Variants in CELSR1 observed in about 807,000 individuals in gnomAD.
CELSR1 encodes adhesion G protein-coupled receptor C1.
A neutral mutation model predicts 249.1 loss-of-function variants in CELSR1; 110 were observed. The ratio of observed to expected loss-of-function variants is 0.44; its 90% CI spans 0.38 to 0.52. The LOEUF (loss-of-function observed/expected upper bound fraction) is 0.52. CELSR1 is among the 20% of genes least tolerant of loss of function. The probability of loss-of-function intolerance (pLI) is 0.00; values close to 1 mark genes in which losing one functional copy is unlikely to be tolerated. For missense variants in CELSR1, 4,109 were observed against 4,296.4 expected, an observed-to-expected ratio of 0.96 and a Z score of 1.22; for synonymous variants, 2,113 against 1,900.0, an observed-to-expected ratio of 1.11 and a Z score of -2.92.
intron 2 of CELSR1, among the ~76,000 whole-genome samples, chr22:46,460,344 T>A (rs1403719462): frequency 6.6e-6 from 1 of 152,180 alleles, no homozygotes; most frequent in Non-Finnish European, 1.5e-5. Context: ...AGGAAACCTA[T>A]GATCCATCTG....
intron 28 of CELSR1, 63 bp from the exon 29 acceptor site, chr22:46,367,181 C>T (rs983574207): frequency 7.0e-6 from 11 of 1,569,834 alleles, no homozygotes; most frequent in African/African-American, 4.0e-5. Flanking sequence ...CCCTTAGGCG[C>T]CCCAGCACAG....
In CELSR1 at chr22:46,433,398, T is replaced by G; in HGVS notation, c.4606A>C (p.Asn1536His). The G allele has an allele frequency of 6.2e-7, 1 of 1,613,310 alleles. No homozygotes were observed. The highest frequency in any genetic ancestry group is 8.5e-7 in the Non-Finnish European group (1 of 1,179,526). Residue 1536 changes from asparagine (N) to histidine (H), a missense_variant, in exon 5 of 35, where the codon AAC (asparagine) becomes CAC (histidine). Physicochemically the swap from Asn to His is moderately conservative, Grantham distance 68. Transcript: ENST00000674500. The surrounding 1 kb of genome is among the most constrained non-coding windows in gnomAD (Gnocchi z 5.7). ...AGTGGTGGGGCCCATCTTACCTTGT[T>G]GTAGTACTGCACCTGCACAGAGTGC... is the stretch of plus-strand genomic sequence containing the variant. ...RWHSVQVQYY[N>H]KPNIGHLGLP... is the part of the protein sequence containing the mutation.
chr22:46,364,887 G>A lies in CELSR1; in HGVS notation c.8555-151C>T, dbSNP rs184513920. ...TAAAGGTGGGGAAACTGAGGCCCAG[G>A]AGGGCGAGTCCTGGCAGCAGGGCCC... On this transcript the variant is annotated intron_variant, in intron 32 of 34. Transcript: ENST00000674500. The A allele has an allele frequency of 2.6e-4, 220 of 831,824 alleles. 1 individual carries two copies. In the African/African-American group the frequency reaches 3.2e-3, roughly 12 times the overall value. 51.5% of individuals were successfully genotyped at this position (831,824 alleles called of 1,614,324 possible).
At position 46,463,963 on chromosome 22, in the gene CELSR1, G is replaced by A. The variant is rs543153082; in HGVS notation, c.3927C>T (p.Arg1309=). ...ACTTCATGTAGTTCTCGCAGGGCTCGCGCAGGCAGATGTTGTCGTCGAAGG... is the reference window on the plus strand; with the variant it reads ...ACTTCATGTAGTTCTCGCAGGGCTCACGCAGGCAGATGTTGTCGTCGAAGG... ...VLPFDDNICL[R]EPCENYMKCV... is the part of the protein sequence containing the mutation. Residue 1309 remains arginine, a synonymous_variant, in exon 2 of 35, where the codon CGC becomes CGT. Transcript: ENST00000674500. The A allele has an allele frequency of 2.4e-5, 39 of 1,613,882 alleles. No individual in the cohort carries two copies. The highest frequency in any genetic ancestry group is 2.4e-5 in the Non-Finnish European group (28 of 1,180,044).
rs761296372 is a variant in CELSR1, at chr22:46,380,955, C to G, written c.7089G>C (p.Arg2363=). The G allele has an allele frequency of 1.9e-6, 3 of 1,611,424 alleles. No individual in the cohort carries two copies. The East Asian group carries it at 6.7e-5, about 36-fold the overall frequency. ...ERYDPDRRSL[R]LPHRPIINTP... ...TATTAATGATGGGCCGGTGAGGCAACCTGAGGTCAAGAAGCCAGAGCATGG... is the reference window on the plus strand; with the variant it reads ...TATTAATGATGGGCCGGTGAGGCAAGCTGAGGTCAAGAAGCCAGAGCATGG... The change falls in exon 22 of 35, where the codon CGG becomes CGC. Residue 2363 remains arginine (R), a splice_region_variant and synonymous_variant. Coordinates refer to ENST00000674500, the MANE Select transcript of CELSR1 (RefSeq NM_001378328.1). This position sits in a 1 kb window ranked among gnomAD's most constrained non-coding sequence, Gnocchi z 5.1.
intron 5 of CELSR1, among the ~76,000 whole-genome samples, chr22:46,432,722 A>C (rs533482878): frequency 6.6e-6 from 1 of 152,294 alleles, no homozygotes; most frequent in East Asian, 1.9e-4. Flanking sequence ...ACAGTGGACG[A>C]TTTTGGCTAC....
chr22:46,474,324 T>C lies in CELSR1; in HGVS notation c.3545-9979A>G, dbSNP rs567620602. Among the ~76,000 whole-genome samples the C allele has an allele frequency of 2.0e-4, 31 of 152,136 alleles. No homozygotes were observed. In the South Asian group the frequency reaches 6.0e-3, roughly 30 times the overall value. ...TCTTGGTTTCCCTGGTTTCTCCTCT[T>C]TGGAATCCAAGTCCACACTCTGTAA... On this transcript the variant is annotated intron_variant, in intron 1 of 34. Coordinates refer to ENST00000674500, the MANE Select transcript of CELSR1 (RefSeq NM_001378328.1).
At position 46,437,830 on chromosome 22, in the gene CELSR1, C is replaced by G. The variant is rs2079682447; in HGVS notation, c.4406+1359G>C. Among the ~76,000 whole-genome samples, 1 of 151,966 alleles carries G rather than the reference C, an allele frequency of 6.6e-6. No homozygotes were observed. ...TTAGAATGCAAGCAAGAAATGACGACAAACACAAAGAAGAATACCCACACA... is the reference window on the plus strand; with the variant it reads ...TTAGAATGCAAGCAAGAAATGACGAGAAACACAAAGAAGAATACCCACACA... On this transcript the variant is annotated intron_variant, in intron 3 of 34. Transcript: ENST00000674500. The surrounding 1 kb of genome is among the most constrained non-coding windows in gnomAD (Gnocchi z 4.9).
At chr22:46,476,269 T>A (rs1176665923) in intron 1 of CELSR1, among the ~76,000 whole-genome samples, 3 of 152,050 alleles carry the variant, frequency 2.0e-5, no homozygotes, top group Non-Finnish European at 4.4e-5. Flanking sequence ...ACCCAGTATG[T>A]TCCATTCATA....
At position 46,377,121 on chromosome 22, in the gene CELSR1, G is replaced by A. The variant is rs141322099; in HGVS notation, c.7524C>T (p.Ala2508=). ...CCAGCTGAGAGAGGAAGAGCGCCAC[G>A]GCGAGGTGCTTGTGAATGCTGTGCA... ...SNLHSIHKHL[A]VALFLSQLVF... The change falls in exon 24 of 35, where the codon GCC becomes GCT. Residue 2508 remains alanine (A), a synonymous_variant. Coordinates refer to ENST00000674500, the MANE Select transcript of CELSR1 (RefSeq NM_001378328.1). The A allele has an allele frequency of 6.9e-4, 1,107 of 1,613,702 alleles. 15 individuals carry two copies. The Middle Eastern group carries it at 9.6e-3, about 14-fold the overall frequency.
chr22:46,369,453 G>A (rs1234137995), intron 26 of CELSR1, among the ~76,000 whole-genome samples, 195 bp from the exon 27 acceptor site: 2 of 152,186 alleles, frequency 1.3e-5, no homozygotes, highest in African/African-American at 4.8e-5. Context: ...CTGCCTGTGC[G>A]GGACCCTCCT....
At chr22:46,528,746 G>A (rs962999015) in intron 1 of CELSR1, among the ~76,000 whole-genome samples, 1 of 151,650 alleles carries the variant, frequency 6.6e-6, no homozygotes, top group Admixed American at 6.6e-5. Context: ...GGTTAACACG[G>A]TGAAACCCTG....
chr22:46,396,711 G>A lies in CELSR1; in HGVS notation c.5737C>T (p.Leu1913=), dbSNP rs1179835190. 6.2e-7 allele frequency: 1 copy of A among 1,613,020 alleles called. No homozygotes were observed. The highest frequency in any genetic ancestry group is 1.1e-5 in the South Asian group (1 of 90,828). ...GCCCCCATGTTCTCGCAGGGGTTCA[G>A]GTGACAGGCATCCACACAGTTTATT... ...LGINCVDACH[L]NPCENMGACV... is the part of the protein sequence containing the mutation. Residue 1913 remains leucine, a synonymous_variant, in exon 13 of 35, where the codon CTG becomes TTG. Coordinates refer to ENST00000674500, the MANE Select transcript of CELSR1 (RefSeq NM_001378328.1). This position sits in a 1 kb window ranked among gnomAD's most constrained non-coding sequence, Gnocchi z 6.4.
Position 46,364,555 on chromosome 22 carries a change from G to A in CELSR1, c.8736C>T (p.Gly2912=), listed in dbSNP as rs141928741. The A allele has an allele frequency of 4.7e-5, 75 of 1,612,054 alleles. No homozygotes were observed. In the South Asian group the frequency reaches 5.7e-4, roughly 12 times the overall value. Residue 2912 remains glycine, a synonymous_variant, in exon 33 of 35, where the codon GGC becomes GGT. Coordinates refer to ENST00000674500, the MANE Select transcript of CELSR1 (RefSeq NM_001378328.1). The stretch of plus-strand genomic sequence containing the variant: ...GCTGGCTGCTAGCAAGCCTGGCTGC[G>A]CCCCCGCTCTCCTGGTCCGGGGGGT... ...GEYPPDQESG[G]AARLASSQPP...
At chr22:46,424,843 G>A (rs1413950072) in intron 5 of CELSR1, among the ~76,000 whole-genome samples, 1 of 152,182 alleles carries the variant, frequency 6.6e-6, no homozygotes, top group African/African-American at 2.4e-5. Context: ...ATGGTGGTGT[G>A]TGCCTGCAAT....
At position 46,442,144 on chromosome 22, in the gene CELSR1, G is replaced by A. The variant is rs147717292; in HGVS notation, c.4184-2733C>T. Among the ~76,000 whole-genome samples, 288 of 152,312 alleles carry A rather than the reference G, an allele frequency of 1.9e-3. 1 individual carries two copies. The highest frequency in any genetic ancestry group is 0.012 in the East Asian group (64 of 5,190). On this transcript the variant is annotated intron_variant, in intron 2 of 34. Coordinates refer to ENST00000674500, the MANE Select transcript of CELSR1 (RefSeq NM_001378328.1). ...GCCTGGGCAGCAAGAGCAAAACTCC[G>A]TCTCAAACAAACAACAAGAAAAAAA...
At chr22:46,376,702 T>C (rs1222539789) in intron 24 of CELSR1, among the ~76,000 whole-genome samples, 3 of 151,448 alleles carry the variant, frequency 2.0e-5, no homozygotes, top group African/African-American at 7.3e-5. Context: ...TGTATTTTCC[T>C]GGGGATGTAC....
Position 46,447,887 on chromosome 22 carries a change from T to A in CELSR1, c.4184-8476A>T, listed in dbSNP as rs1807737. Reference sequence around the variant, plus strand: ...TGCTCGCCTTAGCCTCCCAAAGTGCTGGGATTACAGGTGCGAGCCACCACA... The same window carrying A: ...TGCTCGCCTTAGCCTCCCAAAGTGCAGGGATTACAGGTGCGAGCCACCACA... On this transcript the variant is annotated intron_variant, in intron 2 of 34. Coordinates refer to ENST00000674500, the MANE Select transcript of CELSR1 (RefSeq NM_001378328.1). The surrounding 1 kb of genome is among the most constrained non-coding windows in gnomAD (Gnocchi z 4.7). 1.3e-5 allele frequency among the ~76,000 whole-genome samples: 2 copies of A among 152,004 alleles called. No homozygotes were observed. The highest frequency in any genetic ancestry group is 2.9e-5 in the Non-Finnish European group (2 of 67,994).
intron 1 of CELSR1, among the ~76,000 whole-genome samples, chr22:46,504,504 C>CAAAAA (rs11341314): frequency 1.1e-3 from 124 of 109,294 alleles, no homozygotes; most frequent in African/African-American, 4.3e-3. Context: ...CATCTGTCTC[C>CAAAAA]AAAAAAAAAA....
Sources: gnomAD v4.1 joint callset for allele counts (sites outside exome capture counted in the v4.1 genomes callset) on GRCh38, gnomAD v4.1.1 for gene constraint, Gnocchi (gnomAD v3.1) non-coding constraint, MANE v1.5 for transcripts, NCBI Gene and HGNC (gene_info 2026-07-23, HGNC 2026-07-21) for gene names.